The following KNTC1 variants were observed in gnomAD, a reference collection of about 807,000 sequenced individuals.
KNTC1 encodes kinetochore-associated protein 1.
A neutral mutation model predicts 314.4 loss-of-function variants in KNTC1; 253 were observed. That is an observed-to-expected ratio of 0.80 (90% CI 0.73 to 0.89). The LOEUF (loss-of-function observed/expected upper bound fraction) is 0.89, where lower values mean the gene tolerates loss of function less well. Among genes scored for constraint, KNTC1 ranks in the 40% least tolerant of loss-of-function variants. The pLI, the probability that KNTC1 is intolerant of heterozygous loss-of-function variation, is 0.00. For missense variants in KNTC1, 2,475 were observed against 2,572.9 expected (o/e 0.96, Z 0.82); for synonymous variants, 901 against 901.4 (o/e 1.00, Z 0.01).
intron 16 of KNTC1, among the ~76,000 whole-genome samples, chr12:122,554,074 A>T (rs7398261): frequency 0.021 from 1,491 of 70,578 alleles, 18 homozygotes; most frequent in Middle Eastern, 0.037. Context: ...TAAAAAAAAA[A>T]AAATATATAT....
intron 35 of KNTC1, 49 bp downstream of exon 35, chr12:122,584,499 A>C (rs1415451601): frequency 7.1e-7 from 1 of 1,403,258 alleles, no homozygotes; most frequent in Non-Finnish European, 9.8e-7. Context: ...GGTTCATGTC[A>C]TACTTGTCTC....
At chr12:122,591,293 C>A in intron 41 of KNTC1, 44 bp from the exon 42 acceptor site, 1 of 965,420 alleles carries the variant, frequency 1.0e-6, no homozygotes, top group Non-Finnish European at 1.7e-6. Context: ...TATAAGAATA[C>A]ATTCTACTTA....
At chr12:122,594,614 G>A (rs1287760410) in intron 43 of KNTC1, among the ~76,000 whole-genome samples, 2 of 152,056 alleles carry the variant, frequency 1.3e-5, no homozygotes, top group African/African-American at 4.8e-5. Context: ...CACTGCTTAG[G>A]GCACTTGATT....
At position 122,579,892 on chromosome 12, in the gene KNTC1, T is replaced by C; in HGVS notation, c.2842-13T>C. On this transcript the variant is annotated splice_polypyrimidine_tract_variant and intron_variant, in intron 31 of 63. Coordinates refer to ENST00000333479, the MANE Select transcript of KNTC1 (RefSeq NM_014708.6). ...GAAGTAGATTTTATTTCGCTTTATT[T>C]ATTTATTTTTAGGGCAAGGCCTGGA... The C allele has an allele frequency of 1.9e-6, 3 of 1,585,444 alleles. No individual in the cohort carries two copies. In the South Asian group the frequency reaches 3.3e-5, roughly 18 times the overall value.
chr12:122,568,137 A>G, intron 20 of KNTC1, 124 bp from the exon 21 acceptor site: 1 of 602,310 alleles, frequency 1.7e-6, no homozygotes, highest in Non-Finnish European at 2.9e-6. Context: ...GGTTTTTTTT[A>G]GTTTTTTGTT....
intron 32 of KNTC1, among the ~76,000 whole-genome samples, 189 bp downstream of exon 32, chr12:122,580,166 A>C (rs978680586): frequency 4.6e-5 from 7 of 152,364 alleles, no homozygotes; most frequent in African/African-American, 1.4e-4. Flanking sequence ...GAACAGATGC[A>C]TGCAAAATCA....
In KNTC1 at chr12:122,540,063, C is replaced by T. The variant is rs909224309; in HGVS notation, c.445+309C>T. Among the ~76,000 whole-genome samples the T allele has an allele frequency of 2.6e-5, 4 of 152,058 alleles. No homozygotes were observed. The South Asian group carries it at 6.2e-4, about 24-fold the overall frequency. On this transcript the variant is annotated intron_variant, in intron 5 of 63. Transcript: ENST00000333479. Reference sequence around the variant, plus strand: ...CCTCCCAAAGTGCTGGGATTACAGGCGTGAGCCACTGCGCCCAGCCTGAAT... The same window carrying T: ...CCTCCCAAAGTGCTGGGATTACAGGTGTGAGCCACTGCGCCCAGCCTGAAT...
Position 122,563,553 on chromosome 12 carries a change from G to A in KNTC1, c.1604+854G>A, listed in dbSNP as rs538272731. 5.9e-5 allele frequency among the ~76,000 whole-genome samples: 9 copies of A among 152,096 alleles called. No individual in the cohort carries two copies. The East Asian group carries it at 1.7e-3, about 29-fold the overall frequency. On this transcript the variant is annotated intron_variant, in intron 20 of 63. Coordinates refer to ENST00000333479, the MANE Select transcript of KNTC1 (RefSeq NM_014708.6). Reference sequence around the variant, plus strand: ...TCATTCTCTGTGGGCTCAAGCAGCCGCTCCAAGGCAGCCACAATTATTTTT... The same window carrying A: ...TCATTCTCTGTGGGCTCAAGCAGCCACTCCAAGGCAGCCACAATTATTTTT...
intron 32 of KNTC1, among the ~76,000 whole-genome samples, chr12:122,580,246 A>G (rs1438116488): frequency 1.3e-5 from 2 of 152,188 alleles, no homozygotes; most frequent in African/African-American, 2.4e-5. Context: ...TCTCGCACTC[A>G]TTGCTCATTT....
rs766650377 is a variant in KNTC1 at position 122,605,105 on chromosome 12, T to G, written c.5386+18T>G. ...TTATCCTGGTGAGGACAAAACAATTTTTTTGTTGTCCAAGAAAAGCTATTA... is the reference window on the plus strand; with the variant it reads ...TTATCCTGGTGAGGACAAAACAATTGTTTTGTTGTCCAAGAAAAGCTATTA... On this transcript the variant is annotated intron_variant, in intron 50 of 63. Coordinates refer to ENST00000333479, the MANE Select transcript of KNTC1 (RefSeq NM_014708.6). 1.9e-6 allele frequency: 3 copies of G among 1,584,750 alleles called. No homozygotes were observed. The South Asian group carries it at 3.4e-5, about 18-fold the overall frequency.
intron 42 of KNTC1, chr12:122,593,641 G>C (rs1374224123): frequency 6.6e-6 from 1 of 150,908 alleles, no homozygotes; most frequent in Non-Finnish European, 1.5e-5. Context: ...ATCTCATTCT[G>C]TCACCCAGGC....
chr12:122,621,747 G>C (rs1243192704), intron 60 of KNTC1, 134 bp from the exon 61 acceptor site: 1 of 599,252 alleles, frequency 1.7e-6, no homozygotes, highest in Non-Finnish European at 3.0e-6. Flanking sequence ...CTCATTCCTT[G>C]ATGTCGTTCA....
In KNTC1 at chr12:122,530,101, C is replaced by A; in HGVS notation, c.38C>A (p.Thr13Asn). 6.2e-7 allele frequency: 1 copy of A among 1,613,678 alleles called. No individual in the cohort carries two copies. Among genetic ancestry groups the A allele is most frequent in the Non-Finnish European group, 8.5e-7 (1 of 1,179,712 alleles). Residue 13 changes from threonine to asparagine, a missense_variant, in exon 2 of 64, where the codon ACC becomes AAC. Physicochemically the swap from Thr to Asn is moderately conservative, Grantham distance 65 (BLOSUM62 0). Transcript: ENST00000333479. ...NDIELLTNDD[T>N]GSGYLSVGSR... ...ATTGAGCTGCTAACAAATGATGATA[C>A]CGGAAGTGGGTACCTGAGTGTCGGT...
At chr12:122,558,668 C>T (rs1205111703) in intron 18 of KNTC1, among the ~76,000 whole-genome samples, 2 of 151,686 alleles carry the variant, frequency 1.3e-5, no homozygotes, top group Admixed American at 1.3e-4. Context: ...CACCTGAGGT[C>T]AGGAGTTCAC....
chr12:122,547,674 T>C, intron 11 of KNTC1, 144 bp downstream of exon 11: 1 of 659,342 alleles, frequency 1.5e-6, no homozygotes. Context: ...TTTGCAAAAT[T>C]CACTGGGAAC....
rs767285662 is a variant in KNTC1 at position 122,562,701 on chromosome 12, T to C, written c.1604+2T>C. On this transcript the variant is annotated splice_donor_variant, in intron 20 of 63. Transcript: ENST00000333479. LOFTEE classifies it high-confidence loss of function. Reference sequence around the variant, plus strand: ...AGCATTTGGACCAGAAAAATTCAGGTGTGTACATTTTTGTTAAAACTTTTT... The same window carrying C: ...AGCATTTGGACCAGAAAAATTCAGGCGTGTACATTTTTGTTAAAACTTTTT... 3.1e-6 allele frequency: 5 copies of C among 1,603,030 alleles called. No individual in the cohort carries two copies. Among genetic ancestry groups the C allele is most frequent in the South Asian group, 1.1e-5 (1 of 90,464 alleles).
At chr12:122,560,920 G>A (rs569314442) in intron 18 of KNTC1, among the ~76,000 whole-genome samples, 64 of 152,314 alleles carry the variant, frequency 4.2e-4, no homozygotes, top group South Asian at 2.1e-4. Flanking sequence ...GCCAAGCACA[G>A]TGGCTGTAAT....
Position 122,605,037 on chromosome 12 carries a change from A to T in KNTC1, c.5336A>T (p.His1779Leu). 1 of 1,613,204 alleles carries T rather than the reference A, an allele frequency of 6.2e-7. No individual in the cohort carries two copies. Among genetic ancestry groups the T allele is most frequent in the Non-Finnish European group, 8.5e-7 (1 of 1,179,628 alleles). Residue 1779 changes from histidine (H) to leucine (L), a missense_variant, in exon 50 of 64, where the codon CAT becomes CTT. Transcript: ENST00000333479. Reference protein sequence around the residue: ...PAHLIVSLYEHPSINQRIQNS... With the variant: ...PAHLIVSLYELPSINQRIQNS... Reference sequence around the variant, plus strand: ...CATCTTATTGTCAGTCTCTACGAACATCCTAGCATCAATCAAAGAATTCAG... The same window carrying T: ...CATCTTATTGTCAGTCTCTACGAACTTCCTAGCATCAATCAAAGAATTCAG...
chr12:122,539,499 T>C (rs1962113589), intron 4 of KNTC1, among the ~76,000 whole-genome samples, 177 bp from the exon 5 acceptor site: 2 of 152,184 alleles, frequency 1.3e-5, no homozygotes, highest in Non-Finnish European at 2.9e-5. Context: ...AAGGGAGCAG[T>C]CTTGAAGGTA....
Sources: gnomAD v4.1 joint callset for allele counts (sites outside exome capture counted in the v4.1 genomes callset) on GRCh38, gnomAD v4.1.1 for gene constraint, MANE v1.5 for transcripts, NCBI Gene and HGNC (gene_info 2026-07-23, HGNC 2026-07-21) for gene names.